EYS: variants seen among roughly 807,000 people sequenced by gnomAD.
EYS encodes protein eyes shut homolog.
A neutral mutation model predicts 282.1 loss-of-function variants in EYS; 250 were observed. That is an observed-to-expected ratio of 0.89 (90% CI 0.80 to 0.98). The LOEUF (loss-of-function observed/expected upper bound fraction) is 0.98, where lower values mean the gene tolerates loss of function less well. EYS is among the 50% of genes least tolerant of loss of function. The pLI is 0.00. For synonymous variants in EYS, 1,355 were observed against 1,282.9 expected, an observed-to-expected ratio of 1.06 and a Z score of -1.20; for missense variants, 4,016 against 3,709.0, an observed-to-expected ratio of 1.08 and a Z score of -2.15.
At chr6:64,053,950 T>A (rs890632426) in intron 33 of EYS, among the ~76,000 whole-genome samples, 3 of 152,180 alleles carry the variant, frequency 2.0e-5, no homozygotes, top group Admixed American at 2.0e-4. Context: ...GGCCTTTACA[T>A]ACTTAACTAA....
Position 65,600,274 on chromosome 6 carries a change from T to C in EYS, c.-333+39504A>G, listed in dbSNP as rs146869065. Among the ~76,000 whole-genome samples the C allele has an allele frequency of 5.3e-3, 813 of 152,150 alleles. 7 individuals carry two copies. The highest frequency in any genetic ancestry group is 0.019 in the African/African-American group (773 of 41,530). ...GCTACAACATAGGGCCTTTTCTCCC[T>C]GACCTGTTGCATTGCTAAGTAATTA... On this transcript the variant is annotated intron_variant, in intron 2 of 42. Transcript: ENST00000503581.
chr6:63,905,319 C>CT (rs1217913218), intron 35 of EYS, among the ~76,000 whole-genome samples: 59 of 132,800 alleles, frequency 4.4e-4, no homozygotes, highest in African/African-American at 1.5e-3. Context: ...AAGGGGATTT[C>CT]TTTTTTTTTC....
At chr6:65,629,862 A>G (rs1468382061) in intron 2 of EYS, among the ~76,000 whole-genome samples, 1 of 152,210 alleles carries the variant, frequency 6.6e-6, no homozygotes, top group East Asian at 1.9e-4. Context: ...AAAAAATAAA[A>G]TGACCTCAAT....
intron 26 of EYS, among the ~76,000 whole-genome samples, chr6:64,560,659 T>G (rs188891739): frequency 6.6e-6 from 1 of 152,200 alleles, no homozygotes; most frequent in Admixed American, 6.5e-5. Flanking sequence ...CATAATTTCA[T>G]GAAATGCCTC....
chr6:64,524,800 G>A (rs1251838664), intron 26 of EYS, among the ~76,000 whole-genome samples: 3 of 151,452 alleles, frequency 2.0e-5, no homozygotes, highest in Non-Finnish European at 4.4e-5. Context: ...CTTATTTTTG[G>A]GCTCTCTATT....
chr6:64,176,329 C>A (rs946750337), intron 31 of EYS, among the ~76,000 whole-genome samples: 17 of 152,000 alleles, frequency 1.1e-4, no homozygotes, highest in Admixed American at 4.6e-4. Flanking sequence ...CTGGAGAAGA[C>A]ACAAGAAGAA....
chr6:64,947,943 G>T (rs1052692611), intron 14 of EYS, among the ~76,000 whole-genome samples: 2 of 151,608 alleles, frequency 1.3e-5, no homozygotes, highest in African/African-American at 4.8e-5. Flanking sequence ...TTTTTATTTT[G>T]ATGCCTCAAT....
chr6:64,250,204 C>T (rs1390450601), intron 30 of EYS, among the ~76,000 whole-genome samples: 4 of 152,132 alleles, frequency 2.6e-5, no homozygotes, highest in Non-Finnish European at 4.4e-5. Flanking sequence ...ATTTCTCAAG[C>T]AATTTAGAAA....
intron 12 of EYS, among the ~76,000 whole-genome samples, chr6:65,185,022 T>C (rs968881088): frequency 2.0e-5 from 3 of 146,358 alleles, no homozygotes; most frequent in Admixed American, 6.7e-5. Context: ...ATACATATTG[T>C]ATGTAAAAAA....
intron 12 of EYS, among the ~76,000 whole-genome samples, chr6:65,123,767 C>T (rs1775639297): frequency 1.3e-5 from 2 of 151,630 alleles, no homozygotes; most frequent in Non-Finnish European, 2.9e-5. Context: ...CCCACACACA[C>T]ACACACACAC....
chr6:65,131,864 A>T (rs1366354189), intron 12 of EYS, among the ~76,000 whole-genome samples: 4 of 151,974 alleles, frequency 2.6e-5, no homozygotes, highest in Non-Finnish European at 5.9e-5. Context: ...AAATAAACAC[A>T]CTTAAAAATG....
At chr6:65,260,854 G>T (rs571564349) in intron 12 of EYS, among the ~76,000 whole-genome samples, 10 of 151,978 alleles carry the variant, frequency 6.6e-5, no homozygotes, top group Non-Finnish European at 1.3e-4. Flanking sequence ...TTTCCTATAA[G>T]AACTTATTAG....
At chr6:65,116,564 C>T (rs9294633) in intron 12 of EYS, among the ~76,000 whole-genome samples, 84 of 151,800 alleles carry the variant, frequency 5.5e-4, no homozygotes, top group Admixed American at 1.1e-3. Context: ...GGCTATTGAA[C>T]GTGACAAGGA....
intron 1 of EYS, among the ~76,000 whole-genome samples, chr6:65,701,398 A>G (rs184494364): frequency 2.0e-5 from 3 of 152,146 alleles, no homozygotes; most frequent in East Asian, 3.9e-4. Flanking sequence ...AAATCTGTCC[A>G]TTTTTCTAGG....
intron 31 of EYS, among the ~76,000 whole-genome samples, chr6:64,136,301 C>T (rs1486956251): frequency 6.6e-6 from 1 of 152,102 alleles, no homozygotes; most frequent in Non-Finnish European, 1.5e-5. Context: ...GTTACTTCCT[C>T]TACTGTAGTA....
chr6:64,598,589 G>A (rs189722179), intron 24 of EYS, among the ~76,000 whole-genome samples: 144 of 152,268 alleles, frequency 9.5e-4, no homozygotes, highest in Non-Finnish European at 1.5e-3. Flanking sequence ...ATGCAAATAA[G>A]ATCTTCTGAA....
chr6:64,125,246 CA>C (rs1408182086), intron 31 of EYS, among the ~76,000 whole-genome samples: 7 of 151,906 alleles, frequency 4.6e-5, no homozygotes, highest in Non-Finnish European at 7.4e-5. Flanking sequence ...GGGGATAAGG[CA>C]GGCCTTTCAA....
At chr6:64,878,810 G>C (rs10485055) in intron 19 of EYS, among the ~76,000 whole-genome samples, 2 of 151,704 alleles carry the variant, frequency 1.3e-5, no homozygotes, top group Non-Finnish European at 1.5e-5. Context: ...GCATTAATGA[G>C]CAATTCTTGG....
At chr6:63,765,109 A>G (rs1054109441) in intron 40 of EYS, among the ~76,000 whole-genome samples, 4 of 152,010 alleles carry the variant, frequency 2.6e-5, no homozygotes, top group Non-Finnish European at 4.4e-5. Context: ...TGGGCAATGT[A>G]AAAACAAAAC....
Sources: allele counts gnomAD v4.1 joint callset (sites outside exome capture counted in the v4.1 genomes callset), GRCh38; gene constraint gnomAD v4.1.1; transcripts MANE v1.5; gene names NCBI Gene and HGNC (gene_info 2026-07-23, HGNC 2026-07-21).